The following GMPS variants were observed in gnomAD, a reference collection of about 807,000 sequenced individuals.
The protein encoded by GMPS is guanosine monophosphate synthase, also known as GMP synthase [glutamine-hydrolyzing].
GMPS carries 15 observed loss-of-function variants against 77.9 expected under a neutral mutation model. That is an observed-to-expected ratio of 0.19 (90% confidence interval 0.13 to 0.30). The LOEUF is 0.30. Ranked by LOEUF, GMPS falls within the 10% of genes least tolerant of loss-of-function variation. The probability of loss-of-function intolerance (pLI) is 1.00; values close to 1 mark genes in which losing one functional copy is unlikely to be tolerated. For missense variants in GMPS, 590 were observed against 838.8 expected (o/e 0.70, Z 3.66); for synonymous variants, 224 against 275.9 (o/e 0.81, Z 1.86).
intron 15 of GMPS, among the ~76,000 whole-genome samples, 190 bp from the exon 16 acceptor site, chr3:155,937,401 T>G (rs1333187918): frequency 6.6e-6 from 1 of 152,252 alleles, no homozygotes; most frequent in Non-Finnish European, 1.5e-5. Context: ...ATTTTAAACC[T>G]TAATAACTTA....
intron 3 of GMPS, among the ~76,000 whole-genome samples, chr3:155,898,857 T>A (rs377207740): frequency 1.4e-4 from 21 of 152,266 alleles, no homozygotes; most frequent in African/African-American, 4.6e-4. Context: ...TTAACTTGGA[T>A]TATTTGGGTA....
chr3:155,892,708 T>C (rs2108072609), intron 1 of GMPS, among the ~76,000 whole-genome samples: 1 of 152,332 alleles, frequency 6.6e-6, no homozygotes, highest in Non-Finnish European at 1.5e-5. Context: ...ATCAGCTCAC[T>C]GCAACCTCCG....
rs1018677047 is a variant in GMPS at position 155,938,105 on chromosome 3, T to A, written c.*413T>A. 12 of 230,396 alleles carry A rather than the reference T, an allele frequency of 5.2e-5. No individual in the cohort carries two copies. Among genetic ancestry groups the A allele is most frequent in the Non-Finnish European group, 1.0e-4 (12 of 116,538 alleles). 14.3% of individuals were successfully genotyped at this position (230,396 alleles called of 1,614,324 possible). ...GTGTTACTTACTACTTATATATACT[T>A]TTTGGAGAATCAGTTTTCTTATAAG... On this transcript the variant is annotated 3_prime_UTR_variant, in exon 16 of 16. Transcript: ENST00000496455.
intron 5 of GMPS, among the ~76,000 whole-genome samples, chr3:155,910,436 G>T (rs991362738): frequency 6.6e-6 from 1 of 151,960 alleles, no homozygotes; most frequent in Non-Finnish European, 1.5e-5. Context: ...GGGCGTGGTG[G>T]CACACGCCTG....
In GMPS at chr3:155,920,175, C is replaced by T. The variant is rs548270194; in HGVS notation, c.1318+837C>T. On this transcript the variant is annotated intron_variant, in intron 10 of 15. Coordinates refer to ENST00000496455, the MANE Select transcript of GMPS (RefSeq NM_003875.3). Reference sequence around the variant, plus strand: ...AGCGACTAATTTGCCAAAAGTTATGCAGATTGAAAGGAGTGGAGCCAGAAT... The same window carrying T: ...AGCGACTAATTTGCCAAAAGTTATGTAGATTGAAAGGAGTGGAGCCAGAAT... Among the ~76,000 whole-genome samples, 3 of 152,246 alleles carry T rather than the reference C, an allele frequency of 2.0e-5. No homozygotes were observed. In the East Asian group the frequency reaches 5.8e-4, roughly 29 times the overall value.
At chr3:155,936,725 A>AT (rs1226822301) in intron 15 of GMPS, among the ~76,000 whole-genome samples, 1 of 152,156 alleles carries the variant, frequency 6.6e-6, no homozygotes, top group African/African-American at 2.4e-5. Context: ...TGATTACTGT[A>AT]TAAAAAGTAA....
intron 7 of GMPS, among the ~76,000 whole-genome samples, chr3:155,913,811 G>A (rs1037248092): frequency 3.9e-5 from 6 of 152,086 alleles, no homozygotes; most frequent in African/African-American, 9.6e-5. Flanking sequence ...GTGAGCCACC[G>A]TGCCGGCCCT....
At chr3:155,888,460 C>T (rs1244968422) in intron 1 of GMPS, among the ~76,000 whole-genome samples, 1 of 151,804 alleles carries the variant, frequency 6.6e-6, no homozygotes, top group Non-Finnish European at 1.5e-5. Flanking sequence ...GACAGGATCT[C>T]ACTCTGTCAC....
chr3:155,903,456 T>C (rs1754781006), intron 3 of GMPS, among the ~76,000 whole-genome samples: 1 of 152,246 alleles, frequency 6.6e-6, no homozygotes, highest in South Asian at 2.1e-4. Context: ...ATTGTCTAAT[T>C]CTTGTTCTGG....
intron 5 of GMPS, 54 bp downstream of exon 5, chr3:155,906,317 T>A: frequency 1.0e-6 from 1 of 982,942 alleles, no homozygotes; most frequent in African/African-American, 1.6e-5. Flanking sequence ...ATCTGAAGAG[T>A]AAGCATATGC....
At chr3:155,883,530 G>A (rs553187328) in intron 1 of GMPS, among the ~76,000 whole-genome samples, 3 of 152,194 alleles carry the variant, frequency 2.0e-5, no homozygotes, top group East Asian at 3.9e-4. Flanking sequence ...AAACTGTCTC[G>A]TATTTTAAGG....
At chr3:155,914,629 G>T in intron 8 of GMPS, 59 bp downstream of exon 8, 1 of 1,124,582 alleles carries the variant, frequency 8.9e-7, no homozygotes, top group Non-Finnish European at 1.2e-6. Flanking sequence ...CTTAGTATTT[G>T]TTTTTCCTTG....
In GMPS at chr3:155,929,351, A is replaced by C. The variant is rs149640970; in HGVS notation, c.1561-2414A>C. On this transcript the variant is annotated intron_variant, in intron 12 of 15. Transcript: ENST00000496455. ...AAATGTCTTCTTTTGAGAAGTATTG[A>C]TGGGACATATCTCAAAATAATAAGA... Among the ~76,000 whole-genome samples, 709 of 152,266 alleles carry C rather than the reference A, an allele frequency of 4.7e-3. 11 individuals carry two copies. The highest frequency in any genetic ancestry group is 0.016 in the African/African-American group (658 of 41,546).
rs914288765 is a variant in GMPS at position 155,870,763 on chromosome 3, C to T, written c.-108C>T. The T allele has an allele frequency of 3.3e-5, 24 of 721,632 alleles. No homozygotes were observed. Among genetic ancestry groups the T allele is most frequent in the Non-Finnish European group, 5.5e-5 (24 of 434,586 alleles). The allele number at this position is 721,632 out of a possible 1,614,324, so 44.7% of individuals were successfully genotyped here. ...CTCCTCTCCGCTGCCGGCTGCTCCT[C>T]GACCAGGCCTCCTTCTCAACCTCAG... On this transcript the variant is annotated 5_prime_UTR_variant, in exon 1 of 16. Coordinates refer to ENST00000496455, the MANE Select transcript of GMPS (RefSeq NM_003875.3).
At chr3:155,934,803 A>G in intron 13 of GMPS, 113 bp from the exon 14 acceptor site, 1 of 694,908 alleles carries the variant, frequency 1.4e-6, no homozygotes, top group Non-Finnish European at 2.5e-6. Flanking sequence ...GCCTGAAACT[A>G]AGTGGGAAAT....
intron 12 of GMPS, among the ~76,000 whole-genome samples, chr3:155,927,014 TAAAA>T (rs199726862): frequency 7.0e-6 from 1 of 143,186 alleles, no homozygotes; most frequent in African/African-American, 2.6e-5. Flanking sequence ...AACTCCTTCT[TAAAA>T]AAAAAAAAAA....
At chr3:155,888,322 A>G (rs1259834919) in intron 1 of GMPS, among the ~76,000 whole-genome samples, 1 of 152,036 alleles carries the variant, frequency 6.6e-6, no homozygotes, top group East Asian at 1.9e-4. Context: ...TGTAATTTTA[A>G]AAGTATCTTT....
At chr3:155,925,844 A>G (rs1408492960) in intron 12 of GMPS, among the ~76,000 whole-genome samples, 1 of 152,058 alleles carries the variant, frequency 6.6e-6, no homozygotes, top group Non-Finnish European at 1.5e-5. Context: ...AAGTTACACC[A>G]TTTAGGTGTT....
intron 11 of GMPS, 126 bp downstream of exon 11, chr3:155,922,428 CTG>C (rs1755342262): frequency 2.1e-6 from 1 of 486,860 alleles, no homozygotes; most frequent in Non-Finnish European, 3.6e-6. Flanking sequence ...TTTGAAATGA[CTG>C]TGGAGAAAAT....
Sources: gnomAD v4.1 joint callset for allele counts (sites outside exome capture counted in the v4.1 genomes callset) on GRCh38, gnomAD v4.1.1 for gene constraint, MANE v1.5 for transcripts, NCBI Gene and HGNC (gene_info 2026-07-23, HGNC 2026-07-21) for gene names.